ERCC6L2: variants seen among roughly 807,000 people sequenced by gnomAD.
The protein encoded by ERCC6L2 is DNA excision repair protein ERCC-6-like 2.
In ERCC6L2, 77 loss-of-function variants were observed where a neutral mutation model predicts 132.0. The observed-to-expected ratio is 0.58, with a 90% CI of 0.49 to 0.71. The LOEUF (loss-of-function observed/expected upper bound fraction) is 0.71. ERCC6L2 is among the 30% of genes least tolerant of loss of function. The pLI, the probability that ERCC6L2 is intolerant of heterozygous loss-of-function variation, is 0.00. For synonymous variants in ERCC6L2, 583 were observed against 632.4 expected (o/e 0.92, Z 1.17); for missense variants, 1,542 against 1,837.6 (o/e 0.84, Z 2.94).
At chr9:95,967,318 G>A (rs1468915079) in intron 14 of ERCC6L2, 3 of 152,046 alleles carry the variant, frequency 2.0e-5, no homozygotes, top group Non-Finnish European at 4.4e-5. Flanking sequence ...TATTCATATA[G>A]GTATCATAAA....
intron 17 of ERCC6L2, among the ~76,000 whole-genome samples, chr9:95,998,866 A>G (rs1394845728): frequency 6.6e-6 from 1 of 152,230 alleles, no homozygotes; most frequent in Non-Finnish European, 1.5e-5. Flanking sequence ...ACCCATACAT[A>G]GTTTATACAT....
Position 96,012,696 on chromosome 9 carries a change from C to G in ERCC6L2, c.4146C>G (p.Ser1382=), listed in dbSNP as rs766600582. The G allele has an allele frequency of 7.3e-7, 1 of 1,367,516 alleles. No individual in the cohort carries two copies. Among genetic ancestry groups the G allele is most frequent in the Non-Finnish European group, 9.8e-7 (1 of 1,021,838 alleles). 84.7% of individuals were successfully genotyped at this position (1,367,516 alleles called of 1,614,324 possible). ...NSQASEDTVT[S]RSLNSESETR... ...AGGCATCCGAAGATACTGTGACATC[C>G]CGTTCTCTGAACAGTGAGTCTGAAA... is the stretch of plus-strand genomic sequence containing the variant. Residue 1382 remains serine (S), a synonymous_variant, in exon 19 of 19, where the codon TCC becomes TCG. Coordinates refer to ENST00000653738, the MANE Select transcript of ERCC6L2 (RefSeq NM_020207.7).
In ERCC6L2 at chr9:95,972,139, G is replaced by A. The variant is rs975929581; in HGVS notation, c.2388G>A (p.Ser796=). The change falls in exon 16 of 19, where the codon TCG becomes TCA. Residue 796 remains serine, a synonymous_variant. Transcript: ENST00000653738. The part of the protein sequence containing the change: ...GQLTLLQCGF[S]KLLETKCKAV... ...TTACCTTACTCCAGTGTGGTTTCTC[G>A]AAATTGCTTGAAACAAAATGTAAAG... The A allele has an allele frequency of 4.6e-6, 6 of 1,304,070 alleles. No individual in the cohort carries two copies. The highest frequency in any genetic ancestry group is 3.0e-5 in the African/African-American group (2 of 65,850). The allele number at this position is 1,304,070 out of a possible 1,614,324, so 80.8% of individuals were successfully genotyped here. A position where few individuals can be genotyped will look rare whatever the true frequency, so the allele number is the denominator to read the frequency against.
intron 2 of ERCC6L2, among the ~76,000 whole-genome samples, chr9:95,884,504 T>C (rs867612357): frequency 1.4e-5 from 2 of 147,784 alleles, no homozygotes; most frequent in African/African-American, 2.5e-5. Context: ...TTTTTTTTCC[T>C]GTTTCTTGAT....
At chr9:96,031,201 A>G (rs577462764) in intron 19 of ERCC6L2, among the ~76,000 whole-genome samples, 16 of 152,332 alleles carry the variant, frequency 1.1e-4, no homozygotes, top group African/African-American at 3.6e-4. Context: ...CCAGTGTCTA[A>G]TGGAGAGAGA....
chr9:96,015,970 C>A lies in ERCC6L2; in HGVS notation c.*2767C>A, dbSNP rs147601752. Among the ~76,000 whole-genome samples the A allele has an allele frequency of 3.8e-4, 58 of 152,214 alleles. No homozygotes were observed. Among genetic ancestry groups the A allele is most frequent in the African/African-American group, 1.4e-3 (57 of 41,530 alleles). ...GTATGAAAAGGAGCCTGTTTCAGAA[C>A]GGAAACTGTCAGGTGGAGTGGACTC... On this transcript the variant is annotated 3_prime_UTR_variant, in exon 19 of 19. Transcript: ENST00000653738.
chr9:95,876,278 C>T (rs1827263877), intron 1 of ERCC6L2, 194 bp downstream of exon 1: 1 of 527,958 alleles, frequency 1.9e-6, no homozygotes, highest in Non-Finnish European at 3.4e-6. Context: ...GGGAGTCAGC[C>T]CCTGGGATCT....
intron 3 of ERCC6L2, among the ~76,000 whole-genome samples, chr9:95,899,025 G>A (rs1255404252): frequency 6.6e-6 from 1 of 152,014 alleles, no homozygotes; most frequent in Non-Finnish European, 1.5e-5. Context: ...TTGTTCCCTG[G>A]TTCTAAATGT....
chr9:95,954,278 T>C (rs948998823), intron 12 of ERCC6L2, among the ~76,000 whole-genome samples: 11 of 152,204 alleles, frequency 7.2e-5, no homozygotes, highest in African/African-American at 2.7e-4. Context: ...CCCCTTTTTT[T>C]TGATCTTGTT....
chr9:95,897,456 C>T (rs1240872712), intron 2 of ERCC6L2, among the ~76,000 whole-genome samples: 1 of 151,946 alleles, frequency 6.6e-6, no homozygotes, highest in Non-Finnish European at 1.5e-5. Context: ...AATTTATGGG[C>T]CAAATATTAT....
At chr9:95,929,927 T>A (rs1182232742) in intron 11 of ERCC6L2, among the ~76,000 whole-genome samples, 1 of 152,190 alleles carries the variant, frequency 6.6e-6, no homozygotes, top group East Asian at 1.9e-4. Flanking sequence ...TTCCAGCTCA[T>A]TTGCTGAGAT....
At chr9:95,911,964 T>A (rs1373704068) in intron 4 of ERCC6L2, among the ~76,000 whole-genome samples, 1 of 152,204 alleles carries the variant, frequency 6.6e-6, no homozygotes, top group Non-Finnish European at 1.5e-5. Context: ...TTCAGCATCA[T>A]CTATTGATTT....
intron 17 of ERCC6L2, among the ~76,000 whole-genome samples, chr9:95,990,877 A>G (rs975550819): frequency 2.3e-4 from 35 of 152,104 alleles, no homozygotes; most frequent in Non-Finnish European, 5.9e-5. Flanking sequence ...AGGTCATATG[A>G]ACTGTTTGAA....
intron 17 of ERCC6L2, among the ~76,000 whole-genome samples, chr9:95,979,012 A>T (rs1832786334): frequency 6.6e-6 from 1 of 152,218 alleles, no homozygotes; most frequent in African/African-American, 2.4e-5. Flanking sequence ...TAACAATAAA[A>T]CCAGAGTACA....
At chr9:95,915,299 T>G (rs1829530140) in intron 4 of ERCC6L2, among the ~76,000 whole-genome samples, 1 of 152,186 alleles carries the variant, frequency 6.6e-6, no homozygotes, top group South Asian at 2.1e-4. Flanking sequence ...CATGAGTTTA[T>G]ATTGATATTT....
chr9:95,912,468 T>C (rs1277538275), intron 4 of ERCC6L2, among the ~76,000 whole-genome samples: 1 of 152,140 alleles, frequency 6.6e-6, no homozygotes, highest in Non-Finnish European at 1.5e-5. Flanking sequence ...GTCTATGTCT[T>C]TGTGTACGGT....
chr9:96,019,739 A>G (rs964782836), downstream of ERCC6L2: 2 of 152,244 alleles, frequency 1.3e-5, no homozygotes, highest in African/African-American at 4.8e-5. Flanking sequence ...GGGTTAATTT[A>G]TAAAGCAGTT....
intron 17 of ERCC6L2, among the ~76,000 whole-genome samples, chr9:95,998,451 G>T (rs980102764): frequency 6.6e-6 from 1 of 152,214 alleles, no homozygotes; most frequent in Non-Finnish European, 1.5e-5. Flanking sequence ...TTGGATGTAT[G>T]CAGTTAAGGA....
intron 20 of ERCC6L2, among the ~76,000 whole-genome samples, chr9:96,040,928 G>T (rs1834570597): frequency 6.6e-6 from 1 of 152,210 alleles, no homozygotes; most frequent in Admixed American, 6.5e-5. Context: ...TTTGTCTTGA[G>T]GGAAGTTGTT....
Sources: gnomAD v4.1 joint callset for allele counts (sites outside exome capture counted in the v4.1 genomes callset) on GRCh38, gnomAD v4.1.1 for gene constraint, MANE v1.5 for transcripts, NCBI Gene and HGNC (gene_info 2026-07-23, HGNC 2026-07-21) for gene names.